The following DLG2 variants were observed in gnomAD, a reference collection of about 807,000 sequenced individuals.
DLG2 encodes the protein disks large homolog 2.
A neutral mutation model predicts 132.5 loss-of-function variants in DLG2; 45 were observed. The ratio of observed to expected loss-of-function variants is 0.34; its 90% CI spans 0.27 to 0.44. The LOEUF (loss-of-function observed/expected upper bound fraction) is 0.44, where lower values mean the gene tolerates loss of function less well. Ranked by LOEUF, DLG2 falls within the 20% of genes least tolerant of loss-of-function variation. The pLI is 1.00. For synonymous variants in DLG2, 424 were observed against 419.6 expected, an observed-to-expected ratio of 1.01 and a Z score of -0.13; for missense variants, 1,045 against 1,196.9, an observed-to-expected ratio of 0.87 and a Z score of 1.87.
chr11:85,493,703 G>C (rs1289922459), intron 3 of DLG2, among the ~76,000 whole-genome samples: 1 of 140,972 alleles, frequency 7.1e-6, no homozygotes, highest in Non-Finnish European at 1.5e-5. Context: ...GGAGAGGGGA[G>C]AGAAAAGGAG....
intron 15 of DLG2, among the ~76,000 whole-genome samples, chr11:83,890,157 C>T (rs1003340046): frequency 6.6e-6 from 1 of 151,886 alleles, no homozygotes; most frequent in Non-Finnish European, 1.5e-5. Flanking sequence ...AGAGGTACTA[C>T]AAAAAGCACC....
intron 3 of DLG2, among the ~76,000 whole-genome samples, chr11:85,583,128 GTGTATATATA>G (rs1426651164): frequency 2.3e-3 from 62 of 27,416 alleles, no homozygotes; most frequent in South Asian, 6.3e-3. Flanking sequence ...GTGTGTGTGT[GTGTATATATA>G]TATATATATA....
chr11:84,214,298 AAT>A (rs1170747640), intron 8 of DLG2, among the ~76,000 whole-genome samples: 1 of 135,416 alleles, frequency 7.4e-6, no homozygotes, highest in African/African-American at 3.5e-5. Flanking sequence ...TATATGAGAG[AAT>A]ATATATTTCT....
intron 5 of DLG2, among the ~76,000 whole-genome samples, chr11:85,139,159 C>A (rs79989617): frequency 5.3e-5 from 8 of 152,202 alleles, no homozygotes; most frequent in African/African-American, 1.7e-4. Flanking sequence ...ATGATTATCA[C>A]AATCCAAAAT....
intron 3 of DLG2, among the ~76,000 whole-genome samples, chr11:85,465,523 T>C (rs1414669031): frequency 2.0e-5 from 3 of 152,152 alleles, no homozygotes; most frequent in Non-Finnish European, 4.4e-5. Context: ...TTCTCATTGT[T>C]CAATTCCCAC....
At chr11:85,418,909 T>C (rs1182749541) in intron 3 of DLG2, among the ~76,000 whole-genome samples, 1 of 152,234 alleles carries the variant, frequency 6.6e-6, no homozygotes, top group Non-Finnish European at 1.5e-5. Flanking sequence ...TGTCTTTTAA[T>C]TGGGGCATTT....
intron 4 of DLG2, among the ~76,000 whole-genome samples, chr11:85,253,299 T>C (rs1033166773): frequency 6.6e-6 from 1 of 152,208 alleles, no homozygotes; most frequent in African/African-American, 2.4e-5. Context: ...AAAATTTTTA[T>C]ATAAGGCAAG....
chr11:84,682,633 G>A (rs1307115854), intron 6 of DLG2, among the ~76,000 whole-genome samples: 2 of 152,140 alleles, frequency 1.3e-5, no homozygotes. Flanking sequence ...GGAGGAAAAA[G>A]CCAACCTCCT....
intron 14 of DLG2, among the ~76,000 whole-genome samples, chr11:83,953,194 G>A (rs1411525794): frequency 6.6e-6 from 1 of 152,102 alleles, no homozygotes; most frequent in Non-Finnish European, 1.5e-5. Context: ...CCTATATTTT[G>A]TTCAGGTAAT....
At chr11:83,776,084 T>A (rs1341806543) in intron 18 of DLG2, among the ~76,000 whole-genome samples, 2 of 152,008 alleles carry the variant, frequency 1.3e-5, no homozygotes, top group African/African-American at 4.8e-5. Flanking sequence ...AGAGCGAGAC[T>A]CTGTCTCAAA....
At chr11:85,248,353 GT>G (rs2152690505) in intron 4 of DLG2, among the ~76,000 whole-genome samples, 1 of 152,142 alleles carries the variant, frequency 6.6e-6, no homozygotes, top group East Asian at 1.9e-4. Flanking sequence ...TTATTTTAAA[GT>G]TGCAATATGC....
rs915905817 is a variant in DLG2 at position 85,297,623 on chromosome 11, TCCTTTC to T, written c.41-12264_41-12259del. 1.8e-4 allele frequency among the ~76,000 whole-genome samples: 27 copies of T among 152,318 alleles called. No homozygotes were observed. The East Asian group carries it at 2.1e-3, about 12-fold the overall frequency. On this transcript the variant is annotated intron_variant, in intron 3 of 27. Transcript: ENST00000376104. The stretch of plus-strand genomic sequence containing the variant: ...TCTCTTTTCATTCCATTCATTCTTT[TCCTTTC>T]CCTTTCCCTTTCCCTTTCATTCCCT...
At chr11:84,150,985 GA>G (rs1489604049) in intron 9 of DLG2, among the ~76,000 whole-genome samples, 8 of 152,202 alleles carry the variant, frequency 5.3e-5, no homozygotes, top group Non-Finnish European at 1.0e-4. Flanking sequence ...TTACCTTTTG[GA>G]TGTGCTGCTG....
intron 2 of DLG2, among the ~76,000 whole-genome samples, chr11:85,610,963 C>G (rs538940354): frequency 2.0e-5 from 3 of 152,202 alleles, no homozygotes; most frequent in African/African-American, 7.2e-5. Context: ...AGGGCAAATA[C>G]TCATCTAGTA....
At chr11:84,074,507 T>C (rs1237071327) in intron 10 of DLG2, among the ~76,000 whole-genome samples, 2 of 151,622 alleles carry the variant, frequency 1.3e-5, no homozygotes, top group Non-Finnish European at 2.9e-5. Context: ...ATATATTCTC[T>C]AGACGGAAAC....
chr11:85,453,123 G>T, intron 3 of DLG2: 1 of 248,584 alleles, frequency 4.0e-6, no homozygotes, highest in Admixed American at 4.0e-5. Context: ...TTGTGGATAA[G>T]TGCATTATGC....
intron 21 of DLG2, among the ~76,000 whole-genome samples, chr11:83,484,704 C>T (rs943599332): frequency 2.0e-5 from 3 of 152,000 alleles, no homozygotes; most frequent in Admixed American, 6.5e-5. Flanking sequence ...AGGTAGAAAA[C>T]GCTTTATTGG....
intron 15 of DLG2, among the ~76,000 whole-genome samples, chr11:83,913,269 T>C (rs75586375): frequency 0.018 from 2,769 of 152,254 alleles, 90 homozygotes; most frequent in African/African-American, 0.063. Context: ...GTCTAATTTA[T>C]CTTTGTATTC....
chr11:83,888,538 T>C (rs373253132), intron 15 of DLG2, among the ~76,000 whole-genome samples: 3 of 152,152 alleles, frequency 2.0e-5, no homozygotes, highest in Admixed American at 6.5e-5. Flanking sequence ...AGGTAATTTA[T>C]AGATTCAATG....
Sources: gnomAD v4.1 joint callset for allele counts (sites outside exome capture counted in the v4.1 genomes callset) on GRCh38, gnomAD v4.1.1 for gene constraint, MANE v1.5 for transcripts, NCBI Gene and HGNC (gene_info 2026-07-23, HGNC 2026-07-21) for gene names.